Variants in ATF3 observed in about 807,000 individuals in gnomAD.
ATF3 encodes the protein cyclic AMP-dependent transcription factor ATF-3.
ATF3 carries 10 observed loss-of-function variants against 18.4 expected under a neutral mutation model. The observed-to-expected ratio is 0.54, with a 90% CI of 0.34 to 0.92. The LOEUF (loss-of-function observed/expected upper bound fraction) is 0.92, where lower values mean the gene tolerates loss of function less well. Ranked by LOEUF, ATF3 falls within the 40% of genes least tolerant of loss-of-function variation. The pLI is 0.02. For missense variants in ATF3, 183 were observed against 222.3 expected (o/e 0.82, Z 1.12); for synonymous variants, 78 against 87.9 (o/e 0.89, Z 0.63).
At chr1:212,609,664 C>A (rs1302839223) in intron 1 of ATF3, among the ~76,000 whole-genome samples, 2 of 152,250 alleles carry the variant, frequency 1.3e-5, no homozygotes, top group Non-Finnish European at 2.9e-5. Flanking sequence ...ACCCCGAGCC[C>A]GGGACTCCCA....
chr1:212,603,425 G>C (rs1247852670), intron 1 of ATF3, among the ~76,000 whole-genome samples: 1 of 152,228 alleles, frequency 6.6e-6, no homozygotes, highest in Non-Finnish European at 1.5e-5. Flanking sequence ...TGCACAAGTA[G>C]TCACAATCTT....
exon 1 of ATF3, chr1:212,565,439 A>T (rs1664360499): frequency 6.6e-6 from 1 of 152,170 alleles, no homozygotes; most frequent in Admixed American, 6.5e-5. Flanking sequence ...TCTATATAGG[A>T]TGCTCTGCTG....
intron 1 of ATF3, among the ~76,000 whole-genome samples, chr1:212,595,315 G>C (rs796241007): frequency 9.3e-5 from 14 of 151,162 alleles, no homozygotes; most frequent in African/African-American, 3.5e-4. Flanking sequence ...CACCCAGCTT[G>C]ATATAGAGCC....
intron 1 of ATF3, among the ~76,000 whole-genome samples, chr1:212,588,584 G>A (rs1352744248): frequency 1.3e-5 from 2 of 151,826 alleles, no homozygotes; most frequent in African/African-American, 2.4e-5. Context: ...TACATGTACA[G>A]AGTTTAAAAA....
At chr1:212,612,159 T>G (rs1654924679) in intron 1 of ATF3, among the ~76,000 whole-genome samples, 1 of 152,220 alleles carries the variant, frequency 6.6e-6, no homozygotes, top group African/African-American at 2.4e-5. Flanking sequence ...TTTTATTTTC[T>G]GAAAGGCTTT....
intron 2 of ATF3, among the ~76,000 whole-genome samples, chr1:212,616,335 C>T (rs1405108119): frequency 6.6e-6 from 1 of 151,958 alleles, no homozygotes; most frequent in Non-Finnish European, 1.5e-5. Context: ...CTTGTTCTGT[C>T]ACCCAGACTG....
chr1:212,610,225 T>A (rs142186191), intron 1 of ATF3, among the ~76,000 whole-genome samples: 27 of 152,350 alleles, frequency 1.8e-4, no homozygotes, highest in African/African-American at 6.3e-4. Context: ...AGGTCACATA[T>A]GCTTTCTTAC....
chr1:212,596,041 C>G (rs944379026), intron 1 of ATF3, among the ~76,000 whole-genome samples: 1 of 152,160 alleles, frequency 6.6e-6, no homozygotes, highest in African/African-American at 2.4e-5. Context: ...GTGGTTGGGG[C>G]TTAAAGTGAC....
intron 1 of ATF3, among the ~76,000 whole-genome samples, chr1:212,576,721 CTTTTTTTTTTTT>C (rs57512671): frequency 1.7e-5 from 1 of 57,302 alleles, no homozygotes; most frequent in Non-Finnish European, 2.9e-5. Context: ...CTTTTCTTTT[CTTTTTTTTTTTT>C]TTTTTTTTTT....
intron 1 of ATF3, among the ~76,000 whole-genome samples, chr1:212,593,963 T>A (rs1664942099): frequency 6.6e-6 from 1 of 152,238 alleles, no homozygotes; most frequent in Non-Finnish European, 1.5e-5. Context: ...TCATGTAAGA[T>A]AGCACCCTAT....
At chr1:212,600,490 C>T (rs1654451054) in intron 1 of ATF3, among the ~76,000 whole-genome samples, 1 of 152,236 alleles carries the variant, frequency 6.6e-6, no homozygotes, top group Non-Finnish European at 1.5e-5. Flanking sequence ...GTGGGTCTGG[C>T]ATGTGCCTGG....
At chr1:212,611,112 T>C (rs533666462) in intron 1 of ATF3, among the ~76,000 whole-genome samples, 7 of 152,360 alleles carry the variant, frequency 4.6e-5, no homozygotes, top group Admixed American at 2.6e-4. Flanking sequence ...ATAGCCAAGA[T>C]GCCTCAGAAG....
chr1:212,618,129 A>G lies in ATF3; in HGVS notation c.243A>G (p.Val81=). 1 of 1,614,140 alleles carries G rather than the reference A, an allele frequency of 6.2e-7. No homozygotes were observed. The highest frequency in any genetic ancestry group is 1.7e-5 in the Admixed American group (1 of 60,022). Residue 81 remains valine (V), a splice_region_variant and synonymous_variant, in exon 3 of 4, where the codon GTA becomes GTG. Transcript: ENST00000341491. This position sits in a 1 kb window ranked among gnomAD's most constrained non-coding sequence, Gnocchi z 4.4. ...TGTGTTTCTTTTGGATTTTACAGGT[A>G]GCCCCTGAAGAAGATGAAAGGAAAA... ...PLGVSITKAE[V]APEEDERKKR... is the part of the protein sequence containing the mutation.
intron 1 of ATF3, among the ~76,000 whole-genome samples, chr1:212,609,897 T>C (rs1370109555): frequency 6.6e-6 from 1 of 152,176 alleles, no homozygotes; most frequent in Non-Finnish European, 1.5e-5. Context: ...CCCCTCTGCG[T>C]GTTGGAGGGC....
intron 2 of ATF3, among the ~76,000 whole-genome samples, chr1:212,616,268 T>C (rs1655120929): frequency 6.6e-6 from 1 of 151,194 alleles, no homozygotes; most frequent in African/African-American, 2.4e-5. Context: ...GCAACAAGAT[T>C]CAACACACAC....
intron 1 of ATF3, among the ~76,000 whole-genome samples, chr1:212,592,086 C>T (rs1260958853): frequency 6.6e-6 from 1 of 152,184 alleles, no homozygotes; most frequent in African/African-American, 2.4e-5. Flanking sequence ...GCAACCATCA[C>T]CACCATCTGT....
chr1:212,572,542 C>A (rs1345602235), intron 1 of ATF3, among the ~76,000 whole-genome samples: 1 of 152,146 alleles, frequency 6.6e-6, no homozygotes, highest in East Asian at 1.9e-4. Flanking sequence ...AAACAAAAAA[C>A]ATTTTATTTG....
chr1:212,608,338 C>G (rs2102646887), upstream of ATF3, among the ~76,000 whole-genome samples: 1 of 152,332 alleles, frequency 6.6e-6, no homozygotes, highest in Non-Finnish European at 1.5e-5. Flanking sequence ...TCCCCGCCCC[C>G]CCCGCTCTTC....
At chr1:212,617,005 A>C (rs1655158200) in intron 2 of ATF3, among the ~76,000 whole-genome samples, 1 of 152,130 alleles carries the variant, frequency 6.6e-6, no homozygotes, top group Non-Finnish European at 1.5e-5. Flanking sequence ...TCTGGAGTTC[A>C]GAGGACAGTC....
Sources: gnomAD v4.1 joint callset for allele counts (sites outside exome capture counted in the v4.1 genomes callset) on GRCh38, gnomAD v4.1.1 for gene constraint, Gnocchi (gnomAD v3.1) non-coding constraint, MANE v1.5 for transcripts, NCBI Gene and HGNC (gene_info 2026-07-23, HGNC 2026-07-21) for gene names.